The following LBH variants were observed in gnomAD, a reference collection of about 807,000 sequenced individuals.
LBH encodes LBH regulator of Wnt signaling pathway, also known as protein LBH.
In LBH, 7 loss-of-function variants were observed where a neutral mutation model predicts 12.5. The ratio of observed to expected loss-of-function variants is 0.56; its 90% CI spans 0.32 to 1.05. LBH has a LOEUF of 1.05. LBH is among the 50% of genes least tolerant of loss of function. The pLI, the probability that LBH is intolerant of heterozygous loss-of-function variation, is 0.04. For missense variants in LBH, 119 were observed against 138.9 expected (o/e 0.86, Z 0.72); for synonymous variants, 51 against 50.1 (o/e 1.02, Z -0.08).
At chr2:30,234,384 T>G (rs769189928) in intron 1 of LBH, 21 bp from the exon 2 acceptor site, 1 of 1,597,642 alleles carries the variant, frequency 6.3e-7, no homozygotes, top group South Asian at 1.1e-5. Context: ...TTGTTGACTT[T>G]TGGTCTGGGT....
intron 2 of LBH, among the ~76,000 whole-genome samples, chr2:30,252,319 T>C (rs1315487874): frequency 6.6e-6 from 1 of 152,198 alleles, no homozygotes; most frequent in Non-Finnish European, 1.5e-5. Context: ...ACCATGATTG[T>C]AAGTTTCCTG....
intron 2 of LBH, chr2:30,256,412 C>T (rs1236010970): frequency 6.6e-6 from 1 of 152,248 alleles, no homozygotes; most frequent in Non-Finnish European, 1.5e-5. Flanking sequence ...GGGACCATGC[C>T]GTTCATCAGG....
chr2:30,234,911 T>C (rs1677660280), intron 2 of LBH, among the ~76,000 whole-genome samples: 1 of 152,174 alleles, frequency 6.6e-6, no homozygotes, highest in Non-Finnish European at 1.5e-5. Context: ...AGTAGAAGCA[T>C]TGCTGTCGGG....
intron 2 of LBH, among the ~76,000 whole-genome samples, chr2:30,235,414 CGT>C (rs1194729526): frequency 6.6e-6 from 1 of 152,094 alleles, no homozygotes; most frequent in East Asian, 1.9e-4. Context: ...TCCATGGGTC[CGT>C]GCTACAGACA....
At chr2:30,250,737 T>G (rs1157095549) in intron 2 of LBH, among the ~76,000 whole-genome samples, 4 of 151,966 alleles carry the variant, frequency 2.6e-5, no homozygotes, top group Non-Finnish European at 5.9e-5. Flanking sequence ...ACCGGCAACT[T>G]TTATGCCTAA....
intron 2 of LBH, among the ~76,000 whole-genome samples, chr2:30,240,080 T>C (rs1677764025): frequency 6.6e-6 from 1 of 152,206 alleles, no homozygotes; most frequent in African/African-American, 2.4e-5. Context: ...AGGTTATGTG[T>C]TCATCTCTCT....
intron 2 of LBH, among the ~76,000 whole-genome samples, chr2:30,242,220 A>G (rs1266895389): frequency 6.6e-6 from 1 of 152,068 alleles, no homozygotes; most frequent in African/African-American, 2.4e-5. Context: ...ATACTGTTAC[A>G]TATATGTTAT....
intron 2 of LBH, among the ~76,000 whole-genome samples, chr2:30,254,737 C>A (rs974183846): frequency 6.6e-6 from 1 of 152,142 alleles, no homozygotes; most frequent in Admixed American, 6.5e-5. Context: ...ACAATGTGGC[C>A]CTGGCACAGG....
chr2:30,240,257 A>G (rs1677767445), intron 2 of LBH, among the ~76,000 whole-genome samples: 1 of 152,166 alleles, frequency 6.6e-6, no homozygotes. Context: ...GCCAATTTTT[A>G]TAGGATCAGC....
chr2:30,232,036 A>C, intron 1 of LBH: 1 of 1,328,176 alleles, frequency 7.5e-7, no homozygotes, highest in Non-Finnish European at 1.0e-6. Flanking sequence ...CGGGGGAGCC[A>C]GGGGTCACGT....
chr2:30,240,781 C>T (rs1677777417), intron 2 of LBH, among the ~76,000 whole-genome samples: 1 of 152,198 alleles, frequency 6.6e-6, no homozygotes, highest in South Asian at 2.1e-4. Context: ...AATTGCCTCC[C>T]ACCGGCAGTA....
At chr2:30,254,648 G>A (rs1558390725) in intron 2 of LBH, among the ~76,000 whole-genome samples, 1 of 144,736 alleles carries the variant, frequency 6.9e-6, no homozygotes, top group East Asian at 2.0e-4. Flanking sequence ...TGCTGGGCCT[G>A]CCCTGCTTGT....
rs1678120471 is a variant in LBH at position 30,258,177 on chromosome 2, A to G, written c.*556A>G. The G allele has an allele frequency of 6.5e-6, 1 of 153,446 alleles. No individual in the cohort carries two copies. The allele number at this position is 153,446 out of a possible 1,614,324, so 9.5% of individuals were successfully genotyped here. A position where few individuals can be genotyped will look rare whatever the true frequency, so the allele number is the denominator to read the frequency against. The stretch of plus-strand genomic sequence containing the variant: ...CTCTCTCTCCAGTTTCACCCACCCC[A>G]CCCTTTGCTTTCATTTCAGGTGTGT... On this transcript the variant is annotated 3_prime_UTR_variant, in exon 3 of 3. Transcript: ENST00000395323.
At chr2:30,233,578 G>C (rs1488341215) in intron 1 of LBH, among the ~76,000 whole-genome samples, 1 of 152,250 alleles carries the variant, frequency 6.6e-6, no homozygotes, top group African/African-American at 2.4e-5. Context: ...AGCATTATGT[G>C]CACGGGATCC....
At chr2:30,243,611 A>G (rs1449430705) in intron 2 of LBH, among the ~76,000 whole-genome samples, 1 of 146,950 alleles carries the variant, frequency 6.8e-6, no homozygotes, top group South Asian at 2.2e-4. Context: ...GCTCACTGCA[A>G]CCTCCGCCTC....
At chr2:30,255,462 C>T (rs889158960) in intron 2 of LBH, among the ~76,000 whole-genome samples, 2 of 152,234 alleles carry the variant, frequency 1.3e-5, no homozygotes, top group African/African-American at 4.8e-5. Context: ...TCCTGGCTGC[C>T]ATTATGATAC....
Position 30,257,882 on chromosome 2 carries a change from A to C in LBH, c.*261A>C. 2 of 309,640 alleles carry C rather than the reference A, an allele frequency of 6.5e-6. No individual in the cohort carries two copies. Among genetic ancestry groups the C allele is most frequent in the South Asian group, 4.3e-5 (1 of 23,010 alleles). 19.2% of individuals were successfully genotyped at this position (309,640 alleles called of 1,614,324 possible). On this transcript the variant is annotated 3_prime_UTR_variant, in exon 3 of 3. Coordinates refer to ENST00000395323, the MANE Select transcript of LBH (RefSeq NM_030915.4). ...GGAAGCTGCTTAGAGCCAGGGGGTT[A>C]GTGGGTGAGGGGAGCGAGTGCTGTT...
intron 2 of LBH, among the ~76,000 whole-genome samples, chr2:30,251,111 A>G (rs185692458): frequency 2.1e-3 from 297 of 144,628 alleles, no homozygotes; most frequent in African/African-American, 7.5e-3. Context: ...CTGGAGTGCA[A>G]TGGCACAATC....
chr2:30,241,558 C>G (rs767740853), intron 2 of LBH, among the ~76,000 whole-genome samples: 2 of 149,690 alleles, frequency 1.3e-5, no homozygotes, highest in South Asian at 4.2e-4. Context: ...CTCCCAGGTT[C>G]AAGGGATTCT....
Sources: gnomAD v4.1 joint callset for allele counts (sites outside exome capture counted in the v4.1 genomes callset) on GRCh38, gnomAD v4.1.1 for gene constraint, MANE v1.5 for transcripts, NCBI Gene and HGNC (gene_info 2026-07-23, HGNC 2026-07-21) for gene names.